FYN: variants seen among roughly 807,000 people sequenced by gnomAD.
The protein encoded by FYN is FYN proto-oncogene, Src family tyrosine kinase, also known as tyrosine-protein kinase Fyn.
Under a neutral mutation model 70.2 loss-of-function variants are expected in FYN, and 10 were observed. The observed-to-expected ratio is 0.14, with a 90% CI of 0.09 to 0.24. The LOEUF (loss-of-function observed/expected upper bound fraction) is 0.24. Ranked by LOEUF, FYN falls within the 10% of genes least tolerant of loss-of-function variation. FYN has a pLI of 1.00. For synonymous variants in FYN, 236 were observed against 248.6 expected (o/e 0.95, Z 0.48); for missense variants, 319 against 673.1 (o/e 0.47, Z 5.82).
chr6:111,846,652 G>A, intron 1 of FYN, 23 bp from the exon 2 acceptor site: 1 of 398,708 alleles, frequency 2.5e-6, no homozygotes, highest in Non-Finnish European at 4.4e-6. Flanking sequence ...AAAAAAAAAA[G>A]TGAGACATCA....
chr6:111,714,050 G>A (rs1250837735), intron 5 of FYN, among the ~76,000 whole-genome samples: 2 of 152,220 alleles, frequency 1.3e-5, no homozygotes, highest in African/African-American at 2.4e-5. Flanking sequence ...GAAACACTCA[G>A]GGCTGTGGAG....
chr6:111,817,960 C>T (rs1384937195), intron 2 of FYN, among the ~76,000 whole-genome samples: 1 of 152,186 alleles, frequency 6.6e-6, no homozygotes, highest in Non-Finnish European at 1.5e-5. Flanking sequence ...AGAGTCAGGG[C>T]CAACAAATGC....
At chr6:111,812,350 ATG>A (rs1772352138) in intron 2 of FYN, among the ~76,000 whole-genome samples, 1 of 152,102 alleles carries the variant, frequency 6.6e-6, no homozygotes, top group Non-Finnish European at 1.5e-5. Context: ...ATCTAAATGG[ATG>A]TGTTAATGGC....
chr6:111,707,769 A>G (rs1800165192), intron 6 of FYN, among the ~76,000 whole-genome samples, 153 bp downstream of exon 6: 1 of 152,254 alleles, frequency 6.6e-6, no homozygotes, highest in African/African-American at 2.4e-5. Flanking sequence ...TGCAAGTATT[A>G]CACAGGGTAA....
At chr6:111,757,194 C>T (rs1027247155) in intron 3 of FYN, among the ~76,000 whole-genome samples, 6 of 152,158 alleles carry the variant, frequency 3.9e-5, no homozygotes, top group Non-Finnish European at 7.4e-5. Flanking sequence ...TTTCTATCCA[C>T]GAGCAACAGT....
intron 8 of FYN, 54 bp from the exon 9 acceptor site, chr6:111,700,322 T>A: frequency 6.3e-7 from 1 of 1,582,958 alleles, no homozygotes; most frequent in South Asian, 1.1e-5. Context: ...ACACATGTAA[T>A]GACAACACTC....
At chr6:111,721,050 G>A (rs1366885738) in intron 3 of FYN, among the ~76,000 whole-genome samples, 1 of 152,030 alleles carries the variant, frequency 6.6e-6, no homozygotes, top group African/African-American at 2.4e-5. Context: ...TCCCCCACCC[G>A]CTTCGGGCCT....
At chr6:111,699,508 G>A (rs1224500562) in intron 9 of FYN, 2 of 1,611,186 alleles carry the variant, frequency 1.2e-6, no homozygotes, top group Admixed American at 3.4e-5. Context: ...TGTGCCCTCT[G>A]CCTTACCAAG....
intron 8 of FYN, among the ~76,000 whole-genome samples, chr6:111,700,991 A>T (rs1325519131): frequency 6.6e-6 from 1 of 152,160 alleles, no homozygotes; most frequent in East Asian, 1.9e-4. Flanking sequence ...TTAAAAAAAA[A>T]AAAACAACTT....
intron 3 of FYN, among the ~76,000 whole-genome samples, chr6:111,750,987 A>G (rs1304416007): frequency 6.6e-6 from 1 of 152,194 alleles, no homozygotes; most frequent in Non-Finnish European, 1.5e-5. Context: ...TGAAAATGGA[A>G]AAAATGACCC....
chr6:111,728,805 T>C (rs1052542667), intron 3 of FYN, among the ~76,000 whole-genome samples: 2 of 152,214 alleles, frequency 1.3e-5, no homozygotes, highest in Non-Finnish European at 2.9e-5. Flanking sequence ...GCAACAAACA[T>C]TCATGCTCAA....
At chr6:111,764,738 CTTTCAGAA>C (rs1803161473) in intron 3 of FYN, among the ~76,000 whole-genome samples, 1 of 152,068 alleles carries the variant, frequency 6.6e-6, no homozygotes, top group African/African-American at 2.4e-5. Flanking sequence ...TCCTTTAGTG[CTTTCAGAA>C]TTGGGAATCT....
At chr6:111,800,862 G>T (rs1771960931) in intron 2 of FYN, among the ~76,000 whole-genome samples, 1 of 152,184 alleles carries the variant, frequency 6.6e-6, no homozygotes, top group Non-Finnish European at 1.5e-5. Context: ...AGCAACCCAT[G>T]GGGGCTGCAG....
At chr6:111,825,416 C>T (rs1171669893) in intron 2 of FYN, among the ~76,000 whole-genome samples, 1 of 152,172 alleles carries the variant, frequency 6.6e-6, no homozygotes, top group East Asian at 1.9e-4. Flanking sequence ...GGGCTCAAAT[C>T]CTAGCATTTT....
At chr6:111,698,786 T>TA (rs1799692771) in intron 9 of FYN, among the ~76,000 whole-genome samples, 2 of 152,152 alleles carry the variant, frequency 1.3e-5, no homozygotes. Flanking sequence ...AATAATCCTT[T>TA]AAATAAGTAT....
chr6:111,661,104 T>G lies in FYN; in HGVS notation c.*635A>C, dbSNP rs1018823422. ...AATGAGGCCACTGGTGTTTTCAGAA[T>G]AACACCGGTGCTTTGATGCTGACTT... is the stretch of plus-strand genomic sequence containing the variant. On this transcript the variant is annotated 3_prime_UTR_variant, in exon 14 of 14. Coordinates refer to ENST00000354650, the MANE Select transcript of FYN (RefSeq NM_002037.5). The surrounding 1 kb of genome is among the most constrained non-coding windows in gnomAD (Gnocchi z 4.0). The G allele has an allele frequency of 2.0e-5, 3 of 152,304 alleles. No homozygotes were observed. Among genetic ancestry groups the G allele is most frequent in the Non-Finnish European group, 2.9e-5 (2 of 68,030 alleles). 9.4% of individuals were successfully genotyped at this position (152,304 alleles called of 1,614,324 possible).
At chr6:111,767,680 A>G (rs1420390008) in intron 3 of FYN, among the ~76,000 whole-genome samples, 4 of 152,190 alleles carry the variant, frequency 2.6e-5, no homozygotes, top group Non-Finnish European at 5.9e-5. Context: ...GATTACAGGC[A>G]TGGGTCACCC....
intron 4 of FYN, among the ~76,000 whole-genome samples, chr6:111,719,286 T>G: frequency 7.0e-6 from 1 of 142,608 alleles, no homozygotes. Context: ...TATAGCCTTG[T>G]GGTATGAAAG....
At chr6:111,775,558 G>T (rs62413686) in intron 3 of FYN, among the ~76,000 whole-genome samples, 8,285 of 152,242 alleles carry the variant, frequency 0.054, 471 homozygotes, top group African/African-American at 0.15. Context: ...TGTAAGTGAC[G>T]CTTATGGAAG....
Sources: gnomAD v4.1 joint callset for allele counts (sites outside exome capture counted in the v4.1 genomes callset) on GRCh38, gnomAD v4.1.1 for gene constraint, Gnocchi (gnomAD v3.1) non-coding constraint, MANE v1.5 for transcripts, NCBI Gene and HGNC (gene_info 2026-07-23, HGNC 2026-07-21) for gene names.